The following BAHCC1 variants were observed in gnomAD, a reference collection of about 807,000 sequenced individuals.
The protein encoded by BAHCC1 is BAH and coiled-coil domain-containing protein 1.
A neutral mutation model predicts 88.2 loss-of-function variants in BAHCC1; 43 were observed. The observed-to-expected ratio is 0.49, with a 90% confidence interval of 0.38 to 0.63. BAHCC1 has a LOEUF of 0.63. Among genes scored for constraint, BAHCC1 ranks in the 20% least tolerant of loss-of-function variants. The probability of loss-of-function intolerance (pLI) is 0.00; values close to 1 mark genes in which losing one functional copy is unlikely to be tolerated. For synonymous variants in BAHCC1, 1,510 were observed against 745.5 expected (o/e 2.03, Z -16.71); for missense variants, 3,023 against 1,654.8 (o/e 1.83, Z -14.34).
chr17:81,458,028 G>A (rs1481343007), intron 17 of BAHCC1, 137 bp from the exon 18 acceptor site: 6 of 623,222 alleles, frequency 9.6e-6, no homozygotes, highest in Non-Finnish European at 1.7e-5. Context: ...CCAGGAGGGG[G>A]AGGGCAGAGG....
At position 81,456,459 on chromosome 17, in the gene BAHCC1, A is replaced by C. The variant is rs2064751804; in HGVS notation, c.4732A>C (p.Lys1578Gln). Residue 1578 changes from lysine (K) to glutamine (Q), a missense_variant, in exon 16 of 28, where the codon AAG (lysine) becomes CAG (glutamine). Transcript: ENST00000675386. ...TACCCCCGGGGGGCGCATCCGGGAG[A>C]AGCTGTCCCGAGCCAAGAGTGCCAA... ...EATPGGRIRE[K>Q]LSRAKSAKVS... The C allele has an allele frequency of 2.8e-6, 2 of 722,016 alleles. No homozygotes were observed. The highest frequency in any genetic ancestry group is 5.2e-6 in the Non-Finnish European group (2 of 387,940). The allele number at this position is 722,016 out of a possible 1,614,324, so 44.7% of individuals were successfully genotyped here.
intron 22 of BAHCC1, 62 bp downstream of exon 22, chr17:81,459,390 A>G (rs4969272): frequency 0.37 from 278,165 of 757,258 alleles, 53,090 homozygotes; most frequent in Non-Finnish European, 0.39. Flanking sequence ...GGACAAAGGA[A>G]GGCCTTGGCC....
At position 81,399,874 on chromosome 17, in the gene BAHCC1, G is replaced by C; in HGVS notation, c.135G>C (p.Pro45=). The C allele has an allele frequency of 6.9e-7, 1 of 1,449,874 alleles. No homozygotes were observed. The highest frequency in any genetic ancestry group is 1.3e-5 in the South Asian group (1 of 74,310). The allele number at this position is 1,449,874 out of a possible 1,614,324, so 89.8% of individuals were successfully genotyped here. A position where few individuals can be genotyped will look rare whatever the true frequency, so the allele number is the denominator to read the frequency against. ...PAAQPPAHFQ[P]GKYFPSPLPM... ...CGCAGCCCCCCGCACACTTCCAGCC[G>C]GGAAAGTACTTCCCGTCGCCGTTGC... The change falls in exon 2 of 28, where the codon CCG becomes CCC. Residue 45 remains proline, a synonymous_variant. Coordinates refer to ENST00000675386, the MANE Select transcript of BAHCC1 (RefSeq NM_001377448.1). The surrounding 1 kb of genome is among the most constrained non-coding windows in gnomAD (Gnocchi z 4.5).
intron 3 of BAHCC1, among the ~76,000 whole-genome samples, chr17:81,432,148 C>T (rs1317750216): frequency 6.6e-6 from 1 of 152,180 alleles, no homozygotes; most frequent in East Asian, 1.9e-4. Context: ...ACTTCCCTCC[C>T]GTGTCCTGCA....
intron 2 of BAHCC1, among the ~76,000 whole-genome samples, chr17:81,408,781 G>T (rs1215610820): frequency 6.6e-6 from 1 of 152,154 alleles, no homozygotes; most frequent in Non-Finnish European, 1.5e-5. Context: ...CCCCTGGCTG[G>T]CTTGTTTGGG....
intron 2 of BAHCC1, among the ~76,000 whole-genome samples, chr17:81,417,741 T>G (rs2064053674): frequency 6.6e-6 from 1 of 152,182 alleles, no homozygotes; most frequent in African/African-American, 2.4e-5. Flanking sequence ...GTTTTCCTAT[T>G]AAGGCCTGAG....
At chr17:81,413,679 A>T (rs1555648193) in intron 2 of BAHCC1, among the ~76,000 whole-genome samples, 1 of 152,210 alleles carries the variant, frequency 6.6e-6, no homozygotes, top group African/African-American at 2.4e-5. Flanking sequence ...CCCAGGGCCC[A>T]TGCGGGAGGC....
In BAHCC1 at chr17:81,462,586, C is replaced by T. The variant is rs992584217; in HGVS notation, c.7384-154C>T. ...ATCCATGGCTGCCATGGCCTTAAGCCGCGGTGCTGCGGCTTCCTGCCCTTG... is the reference window on the plus strand; with the variant it reads ...ATCCATGGCTGCCATGGCCTTAAGCTGCGGTGCTGCGGCTTCCTGCCCTTG... On this transcript the variant is annotated intron_variant, in intron 26 of 27. Transcript: ENST00000675386. 8.4e-6 allele frequency: 5 copies of T among 593,840 alleles called. No homozygotes were observed. The African/African-American group carries it at 9.3e-5, about 11-fold the overall frequency. 36.8% of individuals were successfully genotyped at this position (593,840 alleles called of 1,614,324 possible). A position where few individuals can be genotyped will look rare whatever the true frequency, so the allele number is the denominator to read the frequency against.
chr17:81,440,482 G>A (rs1330644909), intron 4 of BAHCC1, among the ~76,000 whole-genome samples: 3 of 152,232 alleles, frequency 2.0e-5, no homozygotes, highest in African/African-American at 7.2e-5. Flanking sequence ...CATGCCTGAG[G>A]ACAATTTTAC....
rs781827728 is a variant in BAHCC1 at position 81,445,034 on chromosome 17, G to A, written c.2691G>A (p.Ala897=). 4.8e-5 allele frequency: 37 copies of A among 764,560 alleles called. No homozygotes were observed. The highest frequency in any genetic ancestry group is 3.9e-4 in the East Asian group (16 of 40,626). The allele number at this position is 764,560 out of a possible 1,614,324, so 47.4% of individuals were successfully genotyped here. ...CCACAGCGGATGTCATGGACCAGGC[G>A]TCACTGTGGCCCCCCATGTACGGGG... is the stretch of plus-strand genomic sequence containing the variant. ...PHALADVMDQ[A]SLWPPMYGGR... Residue 897 remains alanine (A), a synonymous_variant, in exon 9 of 28, where the codon GCG becomes GCA. Coordinates refer to ENST00000675386, the MANE Select transcript of BAHCC1 (RefSeq NM_001377448.1).
chr17:81,456,698 G>T, intron 16 of BAHCC1, 113 bp downstream of exon 16: 1 of 609,228 alleles, frequency 1.6e-6, no homozygotes, highest in Non-Finnish European at 2.9e-6. Context: ...CATGGCTTGT[G>T]GGGTGTGACA....
intron 2 of BAHCC1, among the ~76,000 whole-genome samples, chr17:81,426,022 G>A (rs1298986173): frequency 4.6e-5 from 7 of 151,238 alleles, no homozygotes; most frequent in Non-Finnish European, 1.0e-4. Flanking sequence ...GATGGTGGGT[G>A]ATGTGGTTGG....
intron 3 of BAHCC1, among the ~76,000 whole-genome samples, chr17:81,433,140 AG>A (rs1344922892): frequency 6.6e-6 from 1 of 151,606 alleles, no homozygotes; most frequent in African/African-American, 2.4e-5. Flanking sequence ...GATGGGGAAG[AG>A]GCTGAGCTTC....
chr17:81,431,523 C>T (rs1177262371), intron 3 of BAHCC1, among the ~76,000 whole-genome samples: 1 of 152,176 alleles, frequency 6.6e-6, no homozygotes, highest in Non-Finnish European at 1.5e-5. Context: ...TCCCAGGTGG[C>T]AGAACCTGAG....
At position 81,458,933 on chromosome 17, in the gene BAHCC1, A is replaced by G. The variant is rs781872714; in HGVS notation, c.5569A>G (p.Ser1857Gly). Residue 1857 changes from serine to glycine, a missense_variant, in exon 20 of 28, where the codon AGC (serine) becomes GGC (glycine). Transcript: ENST00000675386. ...EEDEEEEEEDSGPLSAEQSAA... is the reference protein window; with the variant it reads ...EEDEEEEEEDGGPLSAEQSAA... ...GGACGAGGAGGAAGAGGAGGAGGAC[A>G]GCGGCCCTCTGAGCGCAGAGCAGAG... 3.9e-6 allele frequency: 3 copies of G among 763,802 alleles called. No homozygotes were observed. Among genetic ancestry groups the G allele is most frequent in the South Asian group, 2.7e-5 (2 of 72,936 alleles). The allele number at this position is 763,802 out of a possible 1,614,324, so 47.3% of individuals were successfully genotyped here.
rs1555652069 is a variant in BAHCC1, at chr17:81,438,485, C to T, written c.474C>T (p.Thr158=). 5 of 770,296 alleles carry T rather than the reference C, an allele frequency of 6.5e-6. No individual in the cohort carries two copies. Among genetic ancestry groups the T allele is most frequent in the Admixed American group, 3.5e-5 (2 of 57,352 alleles). 47.7% of individuals were successfully genotyped at this position (770,296 alleles called of 1,614,324 possible). A position where few individuals can be genotyped will look rare whatever the true frequency, so the allele number is the denominator to read the frequency against. Residue 158 remains threonine, a synonymous_variant, in exon 4 of 28, where the codon ACC becomes ACT. Transcript: ENST00000675386. ...VLYGQHRFYG[T]QKDNFYLRNL... ...ATGGGCAGCACCGTTTCTATGGAAC[C>T]CAAAAAGGCAAGTGCAGCATGGGAC...
At chr17:81,423,274 G>A (rs1555649827) in intron 2 of BAHCC1, among the ~76,000 whole-genome samples, 1 of 152,218 alleles carries the variant, frequency 6.6e-6, no homozygotes, top group East Asian at 1.9e-4. Context: ...GAGAGGGGAA[G>A]GGGCCTTGGG....
At chr17:81,421,146 C>T (rs2064110949) in intron 2 of BAHCC1, among the ~76,000 whole-genome samples, 1 of 152,254 alleles carries the variant, frequency 6.6e-6, no homozygotes, top group Non-Finnish European at 1.5e-5. Context: ...TAGGTCAAGA[C>T]CCCCTCCCTG....
chr17:81,440,811 GGCCTT>G (rs1401859278), intron 4 of BAHCC1, among the ~76,000 whole-genome samples: 1 of 152,158 alleles, frequency 6.6e-6, no homozygotes, highest in Non-Finnish European at 1.5e-5. Flanking sequence ...CGGAGCCACT[GGCCTT>G]TCTCCATTTC....
Sources: allele counts gnomAD v4.1 joint callset (sites outside exome capture counted in the v4.1 genomes callset), GRCh38; gene constraint gnomAD v4.1.1; non-coding constraint Gnocchi (gnomAD v3.1); transcripts MANE v1.5; gene names NCBI Gene and HGNC (gene_info 2026-07-23, HGNC 2026-07-21).